MOK: variants seen among roughly 807,000 people sequenced by gnomAD.
The protein encoded by MOK is MAPK/MAK/MRK overlapping kinase.
A neutral mutation model predicts 54.2 loss-of-function variants in MOK; 59 were observed. That is an observed-to-expected ratio of 1.09 (90% CI 0.88 to 1.35). The LOEUF (loss-of-function observed/expected upper bound fraction) is 1.35, where lower values mean the gene tolerates loss of function less well. MOK is among the 40% of genes most tolerant of loss of function. MOK has a pLI of 0.00. For missense variants in MOK, 517 were observed against 526.2 expected, an observed-to-expected ratio of 0.98 and a Z score of 0.17; for synonymous variants, 210 against 202.7, an observed-to-expected ratio of 1.04 and a Z score of -0.31.
At chr14:102,282,751 AAAAC>A (rs1326210249) in intron 2 of MOK, among the ~76,000 whole-genome samples, 3 of 148,736 alleles carry the variant, frequency 2.0e-5, no homozygotes, top group African/African-American at 7.5e-5. Flanking sequence ...ACAAAACACA[AAAAC>A]AAACAAAATC....
intron 4 of MOK, among the ~76,000 whole-genome samples, chr14:102,258,445 A>G (rs1039454082): frequency 2.0e-5 from 3 of 151,346 alleles, no homozygotes; most frequent in Non-Finnish European, 4.4e-5. Flanking sequence ...CCCTATCTGG[A>G]ATTCTTGATC....
intron 4 of MOK, among the ~76,000 whole-genome samples, chr14:102,262,306 CG>C (rs1398999938): frequency 6.6e-5 from 10 of 152,126 alleles, no homozygotes; most frequent in African/African-American, 2.4e-4. Flanking sequence ...CCACCATGCC[CG>C]GCTAATTTTT....
At chr14:102,217,598 C>A in the MOK span, among the ~76,000 whole-genome samples, 1 of 145,864 alleles carries the variant, frequency 6.9e-6, no homozygotes, top group Non-Finnish European at 1.6e-5. Context: ...TGGGTCCCGA[C>A]GTCCCTGGGC....
At chr14:102,223,097 G>C, downstream of MOK, 1 of 470,260 alleles carries the variant, frequency 2.1e-6, no homozygotes, top group Non-Finnish European at 3.7e-6. Context: ...GTCTTTTGGG[G>C]CTGCAGTAAA....
At chr14:102,220,441 TG>T (rs750469736), downstream of MOK, among the ~76,000 whole-genome samples, 7 of 152,254 alleles carry the variant, frequency 4.6e-5, no homozygotes, top group Non-Finnish European at 8.8e-5. The surrounding 1 kb of genome is among the most constrained non-coding windows in gnomAD (Gnocchi z 4.2). Flanking sequence ...ATATTAAAAT[TG>T]GCCAGGTGCG....
chr14:102,270,383 C>T (rs539718506), intron 2 of MOK, among the ~76,000 whole-genome samples: 51 of 152,172 alleles, frequency 3.4e-4, no homozygotes, highest in South Asian at 8.3e-4. Flanking sequence ...GGGTGGATCA[C>T]GAGGTCAGGA....
At chr14:102,302,813 A>G (rs982597417) in intron 1 of MOK, among the ~76,000 whole-genome samples, 1 of 151,468 alleles carries the variant, frequency 6.6e-6, no homozygotes, top group Non-Finnish European at 1.5e-5. Flanking sequence ...TATATAATAT[A>G]TATAGAGAGA....
chr14:102,251,820 A>C lies in MOK; in HGVS notation c.363-16T>G, dbSNP rs770576509. On this transcript the variant is annotated splice_polypyrimidine_tract_variant and intron_variant, in intron 5 of 11. Coordinates refer to ENST00000361847, the MANE Select transcript of MOK (RefSeq NM_014226.3). ...TATTCCATTTCTGCATTCAGTATAA[A>C]GGAAAAATAGAATTACACTTCATTT... 6.4e-7 allele frequency: 1 copy of C among 1,556,978 alleles called. No individual in the cohort carries two copies. The highest frequency in any genetic ancestry group is 1.7e-5 in the Admixed American group (1 of 58,606).
intron 4 of MOK, among the ~76,000 whole-genome samples, chr14:102,260,142 C>A (rs1335457892): frequency 6.6e-6 from 1 of 150,532 alleles, no homozygotes; most frequent in African/African-American, 2.4e-5. Context: ...TGCCATTGCA[C>A]TCCAGCCTGG....
At chr14:102,233,561 T>A in intron 8 of MOK, 127 bp downstream of exon 8, 2 of 720,694 alleles carry the variant, frequency 2.8e-6, no homozygotes, top group Admixed American at 5.2e-5. Context: ...CAAGTGAACT[T>A]GAACCCCTGT....
At chr14:102,226,059 G>A (rs1011140201), downstream of MOK, 2 of 511,344 alleles carry the variant, frequency 3.9e-6, no homozygotes, top group African/African-American at 2.0e-5. This position sits in a 1 kb window ranked among gnomAD's most constrained non-coding sequence, Gnocchi z 4.8. Flanking sequence ...CCGCAGGTGT[G>A]GGGACAGCAG....
chr14:102,219,904 A>C (rs930110842), downstream of MOK, among the ~76,000 whole-genome samples: 3 of 152,236 alleles, frequency 2.0e-5, no homozygotes, highest in Non-Finnish European at 4.4e-5. Flanking sequence ...AGCTGGGCCC[A>C]GTGGAGAGTG....
rs753297840 is a variant in MOK at position 102,249,607 on chromosome 14, G to A, written c.590+1205C>T. Reference sequence around the variant, plus strand: ...GCCTGTAATCCCAGCTACTTGGGGGGCTGAGGCAGGAGAATCGCTAGAACC... The same window carrying A: ...GCCTGTAATCCCAGCTACTTGGGGGACTGAGGCAGGAGAATCGCTAGAACC... On this transcript the variant is annotated intron_variant, in intron 7 of 11. Transcript: ENST00000361847. The surrounding 1 kb of genome is among the most constrained non-coding windows in gnomAD (Gnocchi z 5.3). Among the ~76,000 whole-genome samples the A allele has an allele frequency of 2.0e-5, 3 of 152,302 alleles. No homozygotes were observed. The highest frequency in any genetic ancestry group is 4.1e-4 in the South Asian group (2 of 4,824).
rs565861091 is a variant in MOK, at chr14:102,262,332, T to C, written c.283+1214A>G. Among the ~76,000 whole-genome samples the C allele has an allele frequency of 1.1e-4, 16 of 152,304 alleles. No homozygotes were observed. In the South Asian group the frequency reaches 3.1e-3, roughly 30 times the overall value. On this transcript the variant is annotated intron_variant, in intron 4 of 11. Coordinates refer to ENST00000361847, the MANE Select transcript of MOK (RefSeq NM_014226.3). ...GGCTAATTTTTTTGTGTGTATTTTT[T>C]AGTAGAGACAGGGTTTCACCTTGTT...
At chr14:102,215,052 C>T in the MOK span, 2 of 943,558 alleles carry the variant, frequency 2.1e-6, no homozygotes, top group Non-Finnish European at 2.5e-6. Flanking sequence ...CTTTAAAAAT[C>T]CCAGTGAACC....
Position 102,231,618 on chromosome 14 carries a change from T to TGGCG in MOK, c.981+85_981+88dup. ...TGTGGTCTGCCACAGCCTCCACAGG[T>TGGCG]GGCGTCCTCCTGAGAGAGACACAGG... On this transcript the variant is annotated intron_variant, in intron 10 of 11. Transcript: ENST00000361847. This position sits in a 1 kb window ranked among gnomAD's most constrained non-coding sequence, Gnocchi z 4.4. 1 of 1,107,422 alleles carries TGGCG rather than the reference T, an allele frequency of 9.0e-7. No individual in the cohort carries two copies. The highest frequency in any genetic ancestry group is 1.4e-6 in the Non-Finnish European group (1 of 738,604). 68.6% of individuals were successfully genotyped at this position (1,107,422 alleles called of 1,614,324 possible). A position where few individuals can be genotyped will look rare whatever the true frequency, so the allele number is the denominator to read the frequency against.
chr14:102,237,670 C>T (rs981139215), intron 7 of MOK, among the ~76,000 whole-genome samples: 5 of 152,332 alleles, frequency 3.3e-5, no homozygotes, highest in Middle Eastern at 3.4e-3. Flanking sequence ...CTCCCAACCT[C>T]TCACACTCTA....
chr14:102,224,542 G>A (rs2064166000), downstream of MOK: 1 of 455,974 alleles, frequency 2.2e-6, no homozygotes, highest in Non-Finnish European at 4.4e-6. Context: ...ACCATGAAGT[G>A]TCTGAAACCT....
At position 102,229,168 on chromosome 14, in the gene MOK, C is replaced by G; in HGVS notation, c.*121G>C. On this transcript the variant is annotated 3_prime_UTR_variant, in exon 12 of 12. Coordinates refer to ENST00000361847, the MANE Select transcript of MOK (RefSeq NM_014226.3). Reference sequence around the variant, plus strand: ...GCAGGGCAGCACCCAGAGCCCCGGCCAGCGCGAAACGGACGCAGGCGCATC... The same window carrying G: ...GCAGGGCAGCACCCAGAGCCCCGGCGAGCGCGAAACGGACGCAGGCGCATC... The G allele has an allele frequency of 9.2e-7, 1 of 1,087,152 alleles. No individual in the cohort carries two copies. The highest frequency in any genetic ancestry group is 1.6e-5 in the South Asian group (1 of 62,234). 67.3% of individuals were successfully genotyped at this position (1,087,152 alleles called of 1,614,324 possible).
Sources: allele counts gnomAD v4.1 joint callset (sites outside exome capture counted in the v4.1 genomes callset), GRCh38; gene constraint gnomAD v4.1.1; non-coding constraint Gnocchi (gnomAD v3.1); transcripts MANE v1.5; gene names NCBI Gene and HGNC (gene_info 2026-07-23, HGNC 2026-07-21).